Variants in CFAP57 observed in about 807,000 individuals in gnomAD.
CFAP57 encodes the protein cilia- and flagella-associated protein 57.
In CFAP57, 116 loss-of-function variants were observed where a neutral mutation model predicts 146.8. That is an observed-to-expected ratio of 0.79 (90% confidence interval 0.68 to 0.92). CFAP57 has a LOEUF of 0.92. CFAP57 is among the 40% of genes least tolerant of loss of function. CFAP57 has a pLI of 0.00. For missense variants in CFAP57, 1,377 were observed against 1,527.2 expected (o/e 0.90, Z 1.64); for synonymous variants, 518 against 552.8 (o/e 0.94, Z 0.88).
chr1:43,226,517 G>C (rs748163009), intron 17 of CFAP57, among the ~76,000 whole-genome samples: 2 of 152,226 alleles, frequency 1.3e-5, no homozygotes, highest in Non-Finnish European at 2.9e-5. Flanking sequence ...TGTCCCAAGA[G>C]AGCCAGATAA....
rs1186622260 is a variant in CFAP57, at chr1:43,172,973, C to G, written c.157+63C>G. On this transcript the variant is annotated intron_variant, in intron 2 of 22. Coordinates refer to ENST00000372492, the MANE Select transcript of CFAP57 (RefSeq NM_001378189.1). ...ATGTGCCACATATAACCCCATAATC[C>G]CAGCATGATGATTGGAAAGAAAGAT... is the stretch of plus-strand genomic sequence containing the variant. The G allele has an allele frequency of 2.1e-6, 3 of 1,446,168 alleles. No individual in the cohort carries two copies. The Admixed American group carries it at 5.0e-5, about 24-fold the overall frequency. The allele number at this position is 1,446,168 out of a possible 1,614,324, so 89.6% of individuals were successfully genotyped here.
chr1:43,172,443 A>T lies in CFAP57; in HGVS notation c.-30A>T. 5 of 1,548,758 alleles carry T rather than the reference A, an allele frequency of 3.2e-6. No homozygotes were observed. Among genetic ancestry groups the T allele is most frequent in the Non-Finnish European group, 4.4e-6 (5 of 1,145,368 alleles). On this transcript the variant is annotated 5_prime_UTR_variant, in exon 1 of 23. Coordinates refer to ENST00000372492, the MANE Select transcript of CFAP57 (RefSeq NM_001378189.1). ...ACATGCGTGGTCTGCTGACCCAGAG[A>T]GAAACGAAAGGTGGGAGGGGGTACC...
intron 19 of CFAP57, among the ~76,000 whole-genome samples, chr1:43,233,247 T>G (rs1258661967): frequency 6.6e-6 from 1 of 152,146 alleles, no homozygotes; most frequent in Non-Finnish European, 1.5e-5. Context: ...TCCCAGCACT[T>G]TGGGAGGCCG....
In CFAP57 at chr1:43,201,046, T is replaced by A. The variant is rs143132321; in HGVS notation, c.1542+1543T>A. 5.3e-5 allele frequency among the ~76,000 whole-genome samples: 8 copies of A among 152,280 alleles called. 1 individual carries two copies. The East Asian group carries it at 1.5e-3, about 29-fold the overall frequency. ...GAGAAGAAAGAGATGAAGTTCCATT[T>A]TGGCCATGTGATATTTGACGTGCCC... is the stretch of plus-strand genomic sequence containing the variant. On this transcript the variant is annotated intron_variant, in intron 9 of 22. Coordinates refer to ENST00000372492, the MANE Select transcript of CFAP57 (RefSeq NM_001378189.1). The surrounding 1 kb of genome is among the most constrained non-coding windows in gnomAD (Gnocchi z 4.4).
intron 12 of CFAP57, among the ~76,000 whole-genome samples, chr1:43,218,184 G>A (rs562745514): frequency 6.6e-6 from 1 of 152,306 alleles, no homozygotes; most frequent in Non-Finnish European, 1.5e-5. Context: ...TGTCCCCATA[G>A]GTAAGCAAGA....
At chr1:43,195,075 A>G (rs917663030) in intron 6 of CFAP57, 1 of 152,234 alleles carries the variant, frequency 6.6e-6, no homozygotes, top group African/African-American at 2.4e-5. Flanking sequence ...GGGGAAAATG[A>G]TAACCCTAAT....
intron 9 of CFAP57, among the ~76,000 whole-genome samples, chr1:43,202,580 C>T (rs563337960): frequency 1.3e-5 from 2 of 151,204 alleles, no homozygotes; most frequent in East Asian, 2.0e-4. Flanking sequence ...ATCGGGAGTT[C>T]GAGACCAGCC....
chr1:43,205,724 G>T (rs1425028355), intron 9 of CFAP57, among the ~76,000 whole-genome samples: 6 of 152,096 alleles, frequency 3.9e-5, no homozygotes, highest in Non-Finnish European at 5.9e-5. Flanking sequence ...ACATGGGGCT[G>T]GGGTAAGAAT....
chr1:43,213,320 A>G (rs1268005947), intron 11 of CFAP57, among the ~76,000 whole-genome samples: 2 of 152,234 alleles, frequency 1.3e-5, no homozygotes, highest in Non-Finnish European at 2.9e-5. Flanking sequence ...TGTACCTGAC[A>G]TATTTCACTT....
Position 43,234,319 on chromosome 1 carries a change from A to G in CFAP57, c.3167A>G (p.Asp1056Gly). 1 of 1,549,732 alleles carries G rather than the reference A, an allele frequency of 6.5e-7. No individual in the cohort carries two copies. The highest frequency in any genetic ancestry group is 1.4e-5 in the African/African-American group (1 of 72,900). The part of the protein sequence containing the change: ...LEALVKRFKT[D>G]LHNCVAYIQE... ...GCGCTGGTCAAAAGGTTTAAAACAG[A>G]CCTCCACAACTGCGTAGCCTATATT... Residue 1056 changes from aspartate to glycine, a missense_variant, in exon 20 of 23, where the codon GAC (aspartate) becomes GGC (glycine). Coordinates refer to ENST00000372492, the MANE Select transcript of CFAP57 (RefSeq NM_001378189.1).
At chr1:43,246,498 T>C (rs1381841348) in intron 22 of CFAP57, among the ~76,000 whole-genome samples, 2 of 152,176 alleles carry the variant, frequency 1.3e-5, no homozygotes, top group Admixed American at 6.5e-5. Flanking sequence ...GGTAGACACT[T>C]ACCTTACACC....
intron 18 of CFAP57, among the ~76,000 whole-genome samples, chr1:43,231,429 C>T (rs1177735921): frequency 6.6e-6 from 1 of 152,192 alleles, no homozygotes; most frequent in Non-Finnish European, 1.5e-5. Context: ...CTAGTGTCCA[C>T]CAGATATAGT....
intron 13 of CFAP57, among the ~76,000 whole-genome samples, chr1:43,220,251 C>A (rs687012): frequency 0.92 from 139,983 of 152,262 alleles, 64,684 homozygotes; most frequent in East Asian, 1. Context: ...CAAAATGAAA[C>A]GATAAGAAAA....
At chr1:43,226,448 C>T (rs1260104147) in intron 17 of CFAP57, among the ~76,000 whole-genome samples, 1 of 152,216 alleles carries the variant, frequency 6.6e-6, no homozygotes, top group Non-Finnish European at 1.5e-5. Context: ...TGCCCACCAG[C>T]CTGGATGTCT....
At chr1:43,227,440 C>A (rs940056829) in intron 18 of CFAP57, among the ~76,000 whole-genome samples, 6 of 152,190 alleles carry the variant, frequency 3.9e-5, no homozygotes, top group African/African-American at 1.4e-4. Flanking sequence ...CATTTGGCCA[C>A]CAGAGGGCAG....
At chr1:43,203,932 T>G (rs1441398046) in intron 9 of CFAP57, among the ~76,000 whole-genome samples, 1 of 152,168 alleles carries the variant, frequency 6.6e-6, no homozygotes, top group Admixed American at 6.5e-5. Flanking sequence ...TATTTGTTGT[T>G]TTTCTCTCTT....
chr1:43,246,245 T>TGG (rs888162012), intron 22 of CFAP57, among the ~76,000 whole-genome samples: 16 of 152,200 alleles, frequency 1.1e-4, no homozygotes, highest in Non-Finnish European at 1.6e-4. Context: ...AGAACAAGGT[T>TGG]GGAGGTCTCA....
intron 2 of CFAP57, among the ~76,000 whole-genome samples, chr1:43,173,696 A>G (rs941925232): frequency 2.0e-5 from 3 of 152,214 alleles, no homozygotes; most frequent in Admixed American, 6.5e-5. Flanking sequence ...TGTCTCAAAT[A>G]TATGTATTCA....
intron 6 of CFAP57, among the ~76,000 whole-genome samples, chr1:43,189,828 A>C (rs755627415): frequency 9.2e-5 from 14 of 152,330 alleles, no homozygotes; most frequent in Non-Finnish European, 2.1e-4. Flanking sequence ...TCACATGGTG[A>C]GAGCAGGAGC....
Sources: allele counts gnomAD v4.1 joint callset (sites outside exome capture counted in the v4.1 genomes callset), GRCh38; gene constraint gnomAD v4.1.1; non-coding constraint Gnocchi (gnomAD v3.1); transcripts MANE v1.5; gene names NCBI Gene and HGNC (gene_info 2026-07-23, HGNC 2026-07-21).